Variants in SSPN observed in about 807,000 individuals in gnomAD.
SSPN encodes the protein sarcospan.
SSPN carries 15 observed loss-of-function variants against 19.1 expected under a neutral mutation model. The ratio of observed to expected loss-of-function variants is 0.78; its 90% CI spans 0.52 to 1.21. The LOEUF is 1.21. Among genes scored for constraint, SSPN ranks in the 50% most tolerant of loss-of-function variants. SSPN has a pLI of 0.00. For synonymous variants in SSPN, 147 were observed against 140.3 expected (o/e 1.05, Z -0.34); for missense variants, 291 against 314.0 (o/e 0.93, Z 0.55).
chr12:26,209,586 G>A (rs1944963450), intron 1 of SSPN, among the ~76,000 whole-genome samples: 1 of 151,878 alleles, frequency 6.6e-6, no homozygotes, highest in Admixed American at 6.6e-5. Flanking sequence ...TGTCCTTTGA[G>A]TTTTTACTGC....
At chr12:26,196,005 T>A in intron 1 of SSPN, 54 bp downstream of exon 1, 1 of 1,376,626 alleles carries the variant, frequency 7.3e-7, no homozygotes, top group Non-Finnish European at 9.5e-7. Context: ...GAATGCGAAG[T>A]CGCATGGTCG....
At position 26,232,810 on chromosome 12, in the gene SSPN, C is replaced by A; in HGVS notation, c.*1734C>A. 1 of 714,802 alleles carries A rather than the reference C, an allele frequency of 1.4e-6. No individual in the cohort carries two copies. Among genetic ancestry groups the A allele is most frequent in the Non-Finnish European group, 1.7e-6 (1 of 582,934 alleles). 44.3% of individuals were successfully genotyped at this position (714,802 alleles called of 1,614,324 possible). On this transcript the variant is annotated 3_prime_UTR_variant, in exon 3 of 3. Transcript: ENST00000242729. ...TGGCCTTCCTACACATTAGCTCCAGCTAAAAAGACACATTGGAGAGCTTAG... is the reference window on the plus strand; with the variant it reads ...TGGCCTTCCTACACATTAGCTCCAGATAAAAAGACACATTGGAGAGCTTAG...
chr12:26,123,196 G>A, intron 1 of SSPN: 3 of 1,554,502 alleles, frequency 1.9e-6, no homozygotes, highest in Non-Finnish European at 2.6e-6. Context: ...TGGGGGTGGG[G>A]GACGGAGGAG....
intron 1 of SSPN, chr12:26,125,103 G>T (rs1337881081): frequency 1.1e-5 from 5 of 454,274 alleles, no homozygotes; most frequent in East Asian, 4.4e-5. Context: ...TACCATCCGC[G>T]GTCCAGCCCG....
chr12:26,198,433 A>G (rs1041891452), intron 1 of SSPN, among the ~76,000 whole-genome samples: 2 of 152,242 alleles, frequency 1.3e-5, no homozygotes, highest in African/African-American at 2.4e-5. Context: ...TCAGAATGAT[A>G]ATAATTCCTA....
At chr12:26,186,981 C>G (rs150997213) in intron 1 of SSPN, among the ~76,000 whole-genome samples, 9 of 152,340 alleles carry the variant, frequency 5.9e-5, no homozygotes, top group Non-Finnish European at 1.3e-4. Flanking sequence ...GCCTCTGTTT[C>G]TCTTCGTACA....
chr12:26,179,548 G>A (rs933169691), intron 1 of SSPN, among the ~76,000 whole-genome samples: 2 of 152,096 alleles, frequency 1.3e-5, no homozygotes, highest in Non-Finnish European at 2.9e-5. Flanking sequence ...ATTTTGCTTA[G>A]GGGCCTTGTA....
At chr12:26,138,278 A>T (rs778274764) in intron 1 of SSPN, among the ~76,000 whole-genome samples, 1 of 152,228 alleles carries the variant, frequency 6.6e-6, no homozygotes, top group Non-Finnish European at 1.5e-5. Flanking sequence ...GTGGATACAG[A>T]GGGCCAACTG....
chr12:26,165,524 T>C (rs1944615494), intron 1 of SSPN, among the ~76,000 whole-genome samples: 1 of 152,234 alleles, frequency 6.6e-6, no homozygotes, highest in Non-Finnish European at 1.5e-5. Context: ...ATGAAAAGTG[T>C]TCAGTAATGA....
At chr12:26,150,722 C>T (rs117345674) in intron 1 of SSPN, among the ~76,000 whole-genome samples, 612 of 152,270 alleles carry the variant, frequency 4.0e-3, no homozygotes, top group Non-Finnish European at 6.7e-3. Context: ...AGCATAAAGC[C>T]AAATGCTGTG....
chr12:26,195,591 C>A lies in SSPN; in HGVS notation c.-82C>A. 7.5e-7 allele frequency: 1 copy of A among 1,334,900 alleles called. No homozygotes were observed. The highest frequency in any genetic ancestry group is 2.0e-5 in the South Asian group (1 of 50,268). 82.7% of individuals were successfully genotyped at this position (1,334,900 alleles called of 1,614,324 possible). A position where few individuals can be genotyped will look rare whatever the true frequency, so the allele number is the denominator to read the frequency against. On this transcript the variant is annotated 5_prime_UTR_variant, in exon 1 of 3. Coordinates refer to ENST00000242729, the MANE Select transcript of SSPN (RefSeq NM_005086.5). ...AGCCTCCATAATTCGAATACCAGGG[C>A]AGGCCGAGCCAGCCGTGCGCCGCGC...
At chr12:26,219,408 C>T (rs117395320) in intron 1 of SSPN, among the ~76,000 whole-genome samples, 1 of 152,068 alleles carries the variant, frequency 6.6e-6, no homozygotes, top group African/African-American at 2.4e-5. Flanking sequence ...TCAAAAGACA[C>T]CACTGCAGTT....
At chr12:26,202,176 T>C (rs1403229178) in intron 1 of SSPN, among the ~76,000 whole-genome samples, 1 of 152,166 alleles carries the variant, frequency 6.6e-6, no homozygotes, top group Non-Finnish European at 1.5e-5. Flanking sequence ...CATGAAAAGG[T>C]CTGTACATGT....
intron 1 of SSPN, chr12:26,123,000 T>G: frequency 6.4e-7 from 1 of 1,567,524 alleles, no homozygotes; most frequent in Non-Finnish European, 8.7e-7. Context: ...GGGCAAGAAC[T>G]GGGTGGCCAC....
chr12:26,139,004 G>C (rs1051054326), intron 1 of SSPN, among the ~76,000 whole-genome samples: 1 of 152,122 alleles, frequency 6.6e-6, no homozygotes, highest in Admixed American at 6.5e-5. Context: ...GTTAGGTTTA[G>C]ATGTAAGCAG....
At chr12:26,164,776 G>T (rs564084411) in intron 1 of SSPN, among the ~76,000 whole-genome samples, 2 of 152,042 alleles carry the variant, frequency 1.3e-5, no homozygotes, top group East Asian at 3.9e-4. Flanking sequence ...TAAAAAACCT[G>T]GTCAAAGCTA....
At chr12:26,178,028 A>T (rs1210715170) in intron 1 of SSPN, among the ~76,000 whole-genome samples, 1 of 152,160 alleles carries the variant, frequency 6.6e-6, no homozygotes, top group Non-Finnish European at 1.5e-5. Context: ...TTAGGTATTC[A>T]CCAGCTACCC....
intron 1 of SSPN, among the ~76,000 whole-genome samples, chr12:26,163,642 C>T (rs1177460575): frequency 2.0e-5 from 3 of 152,134 alleles, no homozygotes; most frequent in Admixed American, 2.0e-4. Context: ...ACATTAATCT[C>T]ATTAAGAGGG....
intron 1 of SSPN, among the ~76,000 whole-genome samples, chr12:26,216,585 C>A (rs1945052794): frequency 1.3e-5 from 1 of 76,164 alleles, no homozygotes; most frequent in Non-Finnish European, 2.5e-5. Flanking sequence ...TTAATTAGAT[C>A]CCATTTGTCA....
Sources: gnomAD v4.1 joint callset for allele counts (sites outside exome capture counted in the v4.1 genomes callset) on GRCh38, gnomAD v4.1.1 for gene constraint, MANE v1.5 for transcripts, NCBI Gene and HGNC (gene_info 2026-07-23, HGNC 2026-07-21) for gene names.